GRIK2: variants seen among roughly 807,000 people sequenced by gnomAD.
GRIK2 encodes the protein glutamate ionotropic receptor kainate type subunit 2.
A neutral mutation model predicts 100.3 loss-of-function variants in GRIK2; 32 were observed. The observed-to-expected ratio is 0.32, with a 90% confidence interval of 0.24 to 0.43. The LOEUF (loss-of-function observed/expected upper bound fraction) is 0.43, where lower values mean the gene tolerates loss of function less well. Among genes scored for constraint, GRIK2 ranks in the 20% least tolerant of loss-of-function variants. The pLI, the probability that GRIK2 is intolerant of heterozygous loss-of-function variation, is 1.00. For missense variants in GRIK2, 843 were observed against 1,114.9 expected (o/e 0.76, Z 3.47); for synonymous variants, 417 against 389.4 (o/e 1.07, Z -0.83).
chr6:101,408,301 G>C (rs1775695051), intron 2 of GRIK2, among the ~76,000 whole-genome samples: 1 of 151,978 alleles, frequency 6.6e-6, no homozygotes, highest in Non-Finnish European at 1.5e-5. Context: ...CTTGAGCTCA[G>C]ATCAAAGATT....
intron 7 of GRIK2, among the ~76,000 whole-genome samples, chr6:101,790,682 T>C (rs1247206741): frequency 6.7e-6 from 1 of 149,846 alleles, no homozygotes; most frequent in African/African-American, 2.5e-5. Context: ...TTTGGTTGTG[T>C]CTCTGCCCGG....
chr6:101,463,683 G>C (rs1344004795), intron 2 of GRIK2, among the ~76,000 whole-genome samples: 4 of 152,052 alleles, frequency 2.6e-5, no homozygotes, highest in Non-Finnish European at 5.9e-5. Flanking sequence ...CCAAGACGTT[G>C]CCTCTATCCA....
At chr6:101,757,764 G>T (rs569795621) in intron 7 of GRIK2, among the ~76,000 whole-genome samples, 28 of 152,314 alleles carry the variant, frequency 1.8e-4, no homozygotes, top group African/African-American at 6.7e-4. Context: ...AGTTTGAAAA[G>T]TCTACCCTAG....
chr6:102,013,854 A>T (rs144526469), intron 14 of GRIK2, among the ~76,000 whole-genome samples: 1 of 149,324 alleles, frequency 6.7e-6, no homozygotes, highest in Non-Finnish European at 1.5e-5. Context: ...AGGATTTTGC[A>T]TCAGTGTTCA....
intron 7 of GRIK2, among the ~76,000 whole-genome samples, chr6:101,714,917 A>G (rs1278192798): frequency 6.6e-6 from 1 of 151,818 alleles, no homozygotes; most frequent in Non-Finnish European, 1.5e-5. Flanking sequence ...AATGATAATT[A>G]TAATATAAAC....
At chr6:101,827,321 A>G (rs1280167119) in intron 10 of GRIK2, among the ~76,000 whole-genome samples, 1 of 151,904 alleles carries the variant, frequency 6.6e-6, no homozygotes, top group Non-Finnish European at 1.5e-5. Context: ...AAATAAAAGA[A>G]TTTTTCTAGA....
rs575555893 is a variant in GRIK2 at position 101,702,276 on chromosome 6, T to C, written c.951+15923T>C. Among the ~76,000 whole-genome samples, 5 of 152,144 alleles carry C rather than the reference T, an allele frequency of 3.3e-5. 1 individual carries two copies. In the South Asian group the frequency reaches 6.2e-4, roughly 19 times the overall value. On this transcript the variant is annotated intron_variant, in intron 7 of 16. Transcript: ENST00000369134. ...GTTGAAAATCATGGATAATCCATTA[T>C]GTTTGGAGCTTATGCAAAACAGAAG...
chr6:101,935,636 T>C (rs996263708), intron 14 of GRIK2, among the ~76,000 whole-genome samples: 1 of 151,974 alleles, frequency 6.6e-6, no homozygotes, highest in Non-Finnish European at 1.5e-5. Context: ...TAGATTTATA[T>C]TGAATTGGGT....
chr6:101,676,140 TGTGTACAC>T (rs1285140502), intron 4 of GRIK2, among the ~76,000 whole-genome samples: 1 of 152,178 alleles, frequency 6.6e-6, no homozygotes, highest in Non-Finnish European at 1.5e-5. Context: ...CAAAGCTATG[TGTGTACAC>T]GTGTAAACGC....
intron 16 of GRIK2, among the ~76,000 whole-genome samples, chr6:102,061,886 T>C (rs1317140061): frequency 6.6e-6 from 1 of 150,406 alleles, no homozygotes; most frequent in East Asian, 1.9e-4. Context: ...GTTTTCTAGC[T>C]TAAGCATTAG....
intron 2 of GRIK2, among the ~76,000 whole-genome samples, chr6:101,427,997 A>G (rs2788283): frequency 0.057 from 8,644 of 152,286 alleles, 405 homozygotes; most frequent in South Asian, 0.14. Flanking sequence ...CTCGGAAAGT[A>G]GTTCTGGAGT....
chr6:101,699,846 A>G (rs951206616), intron 7 of GRIK2, among the ~76,000 whole-genome samples: 1 of 152,064 alleles, frequency 6.6e-6, no homozygotes, highest in Non-Finnish European at 1.5e-5. Flanking sequence ...TCCATTCACA[A>G]TATGAAAACC....
intron 14 of GRIK2, among the ~76,000 whole-genome samples, chr6:101,960,050 T>TTG (rs1395033935): frequency 1.4e-5 from 2 of 141,266 alleles, no homozygotes; most frequent in Non-Finnish European, 3.0e-5. Context: ...TTTTTAGTGT[T>TTG]TTGTTTTTTT....
chr6:101,954,612 T>G (rs1281485957), intron 14 of GRIK2, among the ~76,000 whole-genome samples: 5 of 152,204 alleles, frequency 3.3e-5, no homozygotes, highest in African/African-American at 7.2e-5. Context: ...TTAGTAGATA[T>G]ATCTGGATTT....
At chr6:101,736,965 C>A (rs1775678837) in intron 7 of GRIK2, among the ~76,000 whole-genome samples, 1 of 152,126 alleles carries the variant, frequency 6.6e-6, no homozygotes, top group African/African-American at 2.4e-5. Flanking sequence ...TACCCTAAAT[C>A]ATCTCTCTCA....
At chr6:101,456,377 G>A (rs959208493) in intron 2 of GRIK2, among the ~76,000 whole-genome samples, 16 of 152,048 alleles carry the variant, frequency 1.1e-4, no homozygotes, top group African/African-American at 3.4e-4. Flanking sequence ...TTGCTTGGCT[G>A]AATATTGTTT....
chr6:101,554,317 C>A (rs183611414), intron 2 of GRIK2, among the ~76,000 whole-genome samples: 32 of 152,268 alleles, frequency 2.1e-4, no homozygotes, highest in African/African-American at 7.7e-4. Flanking sequence ...ACCACCCCAA[C>A]ATGCATTCAG....
chr6:101,451,294 C>T (rs115723731), intron 2 of GRIK2, among the ~76,000 whole-genome samples: 528 of 151,792 alleles, frequency 3.5e-3, no homozygotes, highest in Middle Eastern at 0.01. Flanking sequence ...AGTTTCTCTT[C>T]CCTATGAGAT....
intron 16 of GRIK2, chr6:102,065,964 T>A (rs542921712): frequency 8.2e-7 from 1 of 1,214,394 alleles, no homozygotes; most frequent in Admixed American, 3.7e-5. Flanking sequence ...TGTTTCCATA[T>A]ACTGGCTGTC....
Sources: gnomAD v4.1 joint callset for allele counts (sites outside exome capture counted in the v4.1 genomes callset) on GRCh38, gnomAD v4.1.1 for gene constraint, MANE v1.5 for transcripts, NCBI Gene and HGNC (gene_info 2026-07-23, HGNC 2026-07-21) for gene names.